Variants in RARB observed in about 807,000 individuals in gnomAD.
RARB encodes the protein HBV-activated protein.
Under a neutral mutation model 51.9 loss-of-function variants are expected in RARB, and 17 were observed. The observed-to-expected ratio is 0.33, with a 90% CI of 0.22 to 0.49. RARB has a LOEUF of 0.49. Among genes scored for constraint, RARB ranks in the 20% least tolerant of loss-of-function variants. The pLI is 0.99. For synonymous variants in RARB, 215 were observed against 195.4 expected, an observed-to-expected ratio of 1.10 and a Z score of -0.84; for missense variants, 369 against 550.8, an observed-to-expected ratio of 0.67 and a Z score of 3.30.
intron 2 of RARB, among the ~76,000 whole-genome samples, chr3:25,486,077 G>A (rs1230309662): frequency 6.6e-6 from 1 of 152,200 alleles, no homozygotes; most frequent in African/African-American, 2.4e-5. Flanking sequence ...ATTGACTTGA[G>A]TATTTTGCTG....
intron 2 of RARB, among the ~76,000 whole-genome samples, chr3:24,992,584 G>A (rs1696935974): frequency 6.6e-6 from 1 of 152,174 alleles, no homozygotes; most frequent in Non-Finnish European, 1.5e-5. Context: ...TGGCTTAAAT[G>A]GCAGAAAAGT....
intron 3 of RARB, among the ~76,000 whole-genome samples, chr3:25,112,257 ACT>A (rs1162138180): frequency 1.3e-5 from 2 of 152,030 alleles, no homozygotes; most frequent in African/African-American, 4.8e-5. Flanking sequence ...CTGGTGAAAG[ACT>A]CCACCAAATA....
intron 4 of RARB, among the ~76,000 whole-genome samples, chr3:25,134,061 TTC>T (rs1699994625): frequency 6.6e-6 from 1 of 151,886 alleles, no homozygotes; most frequent in Admixed American, 6.6e-5. Flanking sequence ...TTGTTATATT[TTC>T]TGTTTAGTTC....
intron 2 of RARB, among the ~76,000 whole-genome samples, chr3:24,885,935 AC>A (rs553531937): frequency 1.1e-3 from 160 of 152,296 alleles, no homozygotes; most frequent in Non-Finnish European, 2.0e-3. Context: ...GTTATATGCC[AC>A]CTACTCATAT....
intron 5 of RARB, among the ~76,000 whole-genome samples, chr3:25,591,916 AG>A (rs1451457117): frequency 6.6e-6 from 1 of 152,164 alleles, no homozygotes; most frequent in African/African-American, 2.4e-5. Flanking sequence ...AGAACCCAAA[AG>A]CATGTGACCA....
At chr3:25,362,645 A>C (rs13325064) in intron 5 of RARB, among the ~76,000 whole-genome samples, 2 of 152,188 alleles carry the variant, frequency 1.3e-5, no homozygotes, top group South Asian at 4.1e-4. Flanking sequence ...TGCAAAGACC[A>C]TGAGAAAAGC....
At chr3:25,483,283 A>C (rs1256550076) in intron 2 of RARB, among the ~76,000 whole-genome samples, 1 of 152,200 alleles carries the variant, frequency 6.6e-6, no homozygotes, top group Non-Finnish European at 1.5e-5. Context: ...ATTGGTAGAA[A>C]TTTTAGTTGA....
chr3:25,438,324 C>G (rs1293213954), intron 1 of RARB, among the ~76,000 whole-genome samples: 4 of 151,028 alleles, frequency 2.6e-5, no homozygotes, highest in African/African-American at 9.7e-5. Flanking sequence ...AGACACAGGG[C>G]CAGCCCAGAT....
rs570537533 is a variant in RARB at position 25,409,241 on chromosome 3, A to T, written c.179-51952A>T. Among the ~76,000 whole-genome samples, 99 of 152,186 alleles carry T rather than the reference A, an allele frequency of 6.5e-4. 1 individual carries two copies. The South Asian group carries it at 0.018, about 27-fold the overall frequency. ...ATCTTTCACTGACATAAGAAAAAAA[A>T]TTTTCACCTATGTTTTCTTGTTGTT... On this transcript the variant is annotated intron_variant, in intron 5 of 11. Coordinates refer to the RARB transcript ENST00000383772.
At chr3:25,495,800 C>T (rs1575459397) in intron 2 of RARB, among the ~76,000 whole-genome samples, 1 of 152,152 alleles carries the variant, frequency 6.6e-6, no homozygotes, top group African/African-American at 2.4e-5. Flanking sequence ...CATGACTAAT[C>T]AAGCCATGGT....
At chr3:25,362,166 T>G (rs1705961515) in intron 5 of RARB, among the ~76,000 whole-genome samples, 1 of 152,188 alleles carries the variant, frequency 6.6e-6, no homozygotes, top group South Asian at 2.1e-4. Flanking sequence ...GCTGCTGCCT[T>G]TCTTTCAGTA....
chr3:25,403,483 G>C (rs1707321033), intron 5 of RARB, among the ~76,000 whole-genome samples: 1 of 152,122 alleles, frequency 6.6e-6, no homozygotes, highest in Non-Finnish European at 1.5e-5. Flanking sequence ...GAAGCCACTT[G>C]AATTTATGTT....
At chr3:25,596,282 C>G in intron 7 of RARB, 138 bp from the exon 8 acceptor site, 1 of 644,158 alleles carries the variant, frequency 1.6e-6, no homozygotes, top group Non-Finnish European at 2.6e-6. Context: ...AAAAAGCCAC[C>G]TGATATCTAC....
At chr3:25,457,180 G>T (rs1027926617) in intron 1 of RARB, among the ~76,000 whole-genome samples, 1 of 151,948 alleles carries the variant, frequency 6.6e-6, no homozygotes, top group Admixed American at 6.6e-5. Context: ...TCATTAGGAC[G>T]TTAAAAAGCT....
intron 2 of RARB, among the ~76,000 whole-genome samples, chr3:24,942,742 C>G (rs886067834): frequency 6.6e-6 from 1 of 152,148 alleles, no homozygotes; most frequent in African/African-American, 2.4e-5. Flanking sequence ...AGATTACTGT[C>G]AAGAGCATTA....
At chr3:25,501,731 C>T (rs1225650214) in intron 3 of RARB, among the ~76,000 whole-genome samples, 5 of 152,140 alleles carry the variant, frequency 3.3e-5, no homozygotes, top group Admixed American at 6.5e-5. Context: ...TCATAATTTG[C>T]CCTTTTTTAG....
At chr3:25,018,808 C>T (rs887633622) in intron 2 of RARB, among the ~76,000 whole-genome samples, 10 of 152,272 alleles carry the variant, frequency 6.6e-5, no homozygotes, top group African/African-American at 2.4e-4. Context: ...AGTTCTACCT[C>T]CATTATATTG....
chr3:25,384,626 G>A (rs1288650387), intron 5 of RARB, among the ~76,000 whole-genome samples: 1 of 152,180 alleles, frequency 6.6e-6, no homozygotes, highest in Non-Finnish European at 1.5e-5. Flanking sequence ...TCTCTAGAAT[G>A]AGGCTGACAT....
At chr3:25,410,335 CT>C (rs1216309846) in intron 5 of RARB, among the ~76,000 whole-genome samples, 3 of 152,198 alleles carry the variant, frequency 2.0e-5, no homozygotes, top group Non-Finnish European at 4.4e-5. Context: ...GTCTCTCTTA[CT>C]TTCTTTTAAG....
Sources: allele counts gnomAD v4.1 joint callset (sites outside exome capture counted in the v4.1 genomes callset), GRCh38; gene constraint gnomAD v4.1.1; transcripts MANE v1.5; gene names NCBI Gene and HGNC (gene_info 2026-07-23, HGNC 2026-07-21).